The following CCDC93 variants were observed in gnomAD, a reference collection of about 807,000 sequenced individuals.
CCDC93 encodes coiled-coil domain-containing protein 93.
CCDC93 carries 61 observed loss-of-function variants against 108.2 expected under a neutral mutation model. The observed-to-expected ratio is 0.56, with a 90% CI of 0.46 to 0.70. CCDC93 has a LOEUF of 0.70. Ranked by LOEUF, CCDC93 falls within the 30% of genes least tolerant of loss-of-function variation. The pLI, the probability that CCDC93 is intolerant of heterozygous loss-of-function variation, is 0.00. For missense variants in CCDC93, 685 were observed against 764.2 expected (o/e 0.90, Z 1.22); for synonymous variants, 276 against 260.4 (o/e 1.06, Z -0.58).
intron 13 of CCDC93, chr2:117,950,679 C>T (rs1394664353): frequency 1.0e-6 from 1 of 985,286 alleles, no homozygotes; most frequent in Non-Finnish European, 1.2e-6. Flanking sequence ...GTAAGGAGAA[C>T]CAGGCCCAGA....
chr2:117,945,035 T>A lies in CCDC93; in HGVS notation c.1350+494A>T, dbSNP rs182001690. Among the ~76,000 whole-genome samples, 932 of 152,344 alleles carry A rather than the reference T, an allele frequency of 6.1e-3. 9 individuals are homozygous for A. The highest frequency in any genetic ancestry group is 0.01 in the Middle Eastern group (3 of 294). On this transcript the variant is annotated intron_variant, in intron 17 of 23. Transcript: ENST00000376300. ...GCCCATTTTTGTAAATAAAGTTTTA[T>A]TGGAACACAGCCATGTCCATTCATT...
intron 7 of CCDC93, among the ~76,000 whole-genome samples, chr2:117,985,152 A>C (rs1018209708): frequency 5.7e-4 from 86 of 152,204 alleles, no homozygotes; most frequent in African/African-American, 8.4e-4. Flanking sequence ...AAAACAAAAA[A>C]AAAAAAACAT....
chr2:117,964,785 A>T (rs1386592411), intron 11 of CCDC93, among the ~76,000 whole-genome samples: 1 of 152,004 alleles, frequency 6.6e-6, no homozygotes, highest in Non-Finnish European at 1.5e-5. Context: ...AATATTTTGT[A>T]GAGATAGGGG....
At chr2:117,941,067 G>T in intron 19 of CCDC93, 122 bp downstream of exon 19, 1 of 689,814 alleles carries the variant, frequency 1.4e-6, no homozygotes, top group Non-Finnish European at 2.5e-6. Flanking sequence ...ATGAAACGGA[G>T]CTTTCCGGTG....
intron 11 of CCDC93, among the ~76,000 whole-genome samples, chr2:117,968,582 T>A (rs1417311437): frequency 6.6e-6 from 1 of 152,212 alleles, no homozygotes; most frequent in Non-Finnish European, 1.5e-5. Context: ...TCAGGAACTT[T>A]GAGATACATG....
At chr2:117,982,299 G>A (rs1558794604) in intron 7 of CCDC93, among the ~76,000 whole-genome samples, 1 of 152,032 alleles carries the variant, frequency 6.6e-6, no homozygotes, top group African/African-American at 2.4e-5. Flanking sequence ...TTCATAGCAC[G>A]GTTAGGTGCT....
chr2:117,980,329 T>C (rs917701482), intron 7 of CCDC93, among the ~76,000 whole-genome samples: 6 of 152,206 alleles, frequency 3.9e-5, no homozygotes, highest in African/African-American at 9.6e-5. Flanking sequence ...CCCACTCCTA[T>C]AGTGTCCTTG....
chr2:117,974,110 A>C lies in CCDC93; in HGVS notation c.802-116T>G, dbSNP rs372629962. 41 of 757,540 alleles carry C rather than the reference A, an allele frequency of 5.4e-5. No homozygotes were observed. In the African/African-American group the frequency reaches 5.5e-4, roughly 10 times the overall value. The allele number at this position is 757,540 out of a possible 1,614,324, so 46.9% of individuals were successfully genotyped here. A position where few individuals can be genotyped will look rare whatever the true frequency, so the allele number is the denominator to read the frequency against. ...TATTATGGTAAAACATAATATTCCC[A>C]GGGGAAATAATTTGGCTTTGCCACA... is the stretch of plus-strand genomic sequence containing the variant. On this transcript the variant is annotated intron_variant, in intron 10 of 23. Coordinates refer to ENST00000376300, the MANE Select transcript of CCDC93 (RefSeq NM_019044.5).
chr2:117,960,432 C>A (rs1360058157), intron 11 of CCDC93, among the ~76,000 whole-genome samples: 1 of 152,212 alleles, frequency 6.6e-6, no homozygotes, highest in Non-Finnish European at 1.5e-5. Flanking sequence ...CAATTCTGTT[C>A]TGCAGCTTTG....
At position 117,941,192 on chromosome 2, in the gene CCDC93, G is replaced by A; in HGVS notation, c.1519C>T (p.Gln507Ter). 3.1e-6 allele frequency: 5 copies of A among 1,606,796 alleles called. No individual in the cohort carries two copies. Among genetic ancestry groups the A allele is most frequent in the Non-Finnish European group, 4.3e-6 (5 of 1,173,392 alleles). Reference protein sequence around the residue: ...YQKRFIELYRQISAVHKETKQ... With the variant: ...YQKRFIELYR ...TGTCTGTGGTCAATGCACCTACTCT[G>A]GCGGTAGAGTTCAATAAATCTCTTC... The change falls in exon 19 of 24, where the codon CAG becomes TAG. Residue 507 changes from glutamine (Q) to a stop codon, truncating the protein, a stop_gained. Transcript: ENST00000376300. LOFTEE classifies it high-confidence loss of function.
At chr2:117,926,331 C>T (rs1678093967) in intron 23 of CCDC93, among the ~76,000 whole-genome samples, 1 of 152,084 alleles carries the variant, frequency 6.6e-6, no homozygotes, top group African/African-American at 2.4e-5. Context: ...AATCCAGGAG[C>T]TGGTTTTTTG....
intron 11 of CCDC93, among the ~76,000 whole-genome samples, chr2:117,965,045 G>T (rs75018586): frequency 1.3e-5 from 2 of 152,150 alleles, no homozygotes; most frequent in African/African-American, 4.8e-5. Context: ...AACTTCAGAG[G>T]TTAGGAATAT....
At chr2:117,940,051 T>C (rs1159965705) in intron 19 of CCDC93, among the ~76,000 whole-genome samples, 1 of 152,308 alleles carries the variant, frequency 6.6e-6, no homozygotes, top group East Asian at 1.9e-4. Flanking sequence ...GAGATCTAAT[T>C]AGACTCTGAG....
intron 4 of CCDC93, chr2:117,997,586 A>G (rs79452150): frequency 5.3e-4 from 81 of 152,354 alleles, no homozygotes; most frequent in African/African-American, 1.9e-3. Context: ...CATGTTTAGG[A>G]AATAGCTGCT....
At position 117,993,647 on chromosome 2, in the gene CCDC93, A is replaced by G. The variant is rs535638170; in HGVS notation, c.519+1799T>C. On this transcript the variant is annotated intron_variant, in intron 6 of 23. Coordinates refer to ENST00000376300, the MANE Select transcript of CCDC93 (RefSeq NM_019044.5). Reference sequence around the variant, plus strand: ...CATTCCAGAGATGAAGTAACATTTAAAACAGGGGAAAGCAATTATCATATC... The same window carrying G: ...CATTCCAGAGATGAAGTAACATTTAGAACAGGGGAAAGCAATTATCATATC... 3.9e-5 allele frequency among the ~76,000 whole-genome samples: 6 copies of G among 152,230 alleles called. No individual in the cohort carries two copies. The South Asian group carries it at 1.2e-3, about 31-fold the overall frequency.
intron 8 of CCDC93, among the ~76,000 whole-genome samples, chr2:117,976,257 T>C (rs981238416): frequency 9.9e-5 from 15 of 152,192 alleles, no homozygotes; most frequent in African/African-American, 3.4e-4. Flanking sequence ...TTGAATACTA[T>C]TTCAGGGACA....
chr2:117,993,332 G>A (rs1363048549), intron 6 of CCDC93, among the ~76,000 whole-genome samples: 1 of 150,536 alleles, frequency 6.6e-6, no homozygotes, highest in African/African-American at 2.5e-5. Context: ...GGAGGCAGAG[G>A]TTGCAGTGAG....
Position 117,946,509 on chromosome 2 carries a change from G to A in CCDC93, c.1296+302C>T, listed in dbSNP as rs141399097. Among the ~76,000 whole-genome samples, 952 of 152,298 alleles carry A rather than the reference G, an allele frequency of 6.3e-3. 5 individuals carry two copies. Among genetic ancestry groups the A allele is most frequent in the Non-Finnish European group, 0.01 (688 of 68,030 alleles). ...CTGGCAGAAAATTTAAGGAACGGGT[G>A]AGCAGGAAATAGAGCTCAGACTTTT... On this transcript the variant is annotated intron_variant, in intron 16 of 23. Coordinates refer to ENST00000376300, the MANE Select transcript of CCDC93 (RefSeq NM_019044.5).
At chr2:117,928,871 C>G (rs1678220902) in intron 23 of CCDC93, among the ~76,000 whole-genome samples, 1 of 152,156 alleles carries the variant, frequency 6.6e-6, no homozygotes, top group South Asian at 2.1e-4. Context: ...AAATGTCCAA[C>G]AATGATAGAC....
Sources: allele counts gnomAD v4.1 joint callset (sites outside exome capture counted in the v4.1 genomes callset), GRCh38; gene constraint gnomAD v4.1.1; transcripts MANE v1.5; gene names NCBI Gene and HGNC (gene_info 2026-07-23, HGNC 2026-07-21).